COA1: variants seen among roughly 807,000 people sequenced by gnomAD.
The protein encoded by COA1 is cytochrome c oxidase assembly factor 1 homolog.
In COA1, 13 loss-of-function variants were observed where a neutral mutation model predicts 16.0. That is an observed-to-expected ratio of 0.81 (90% confidence interval 0.53 to 1.29). The LOEUF is 1.29. Ranked by LOEUF, COA1 falls within the 50% of genes most tolerant of loss-of-function variation. The probability of loss-of-function intolerance (pLI) is 0.00; values close to 1 mark genes in which losing one functional copy is unlikely to be tolerated. For synonymous variants in COA1, 65 were observed against 65.7 expected (o/e 0.99, Z 0.05); for missense variants, 179 against 177.0 (o/e 1.01, Z -0.06).
chr7:43,631,150 TTA>T (rs1481771714), intron 6 of COA1: 3 of 152,178 alleles, frequency 2.0e-5, no homozygotes, highest in African/African-American at 7.2e-5. Flanking sequence ...ACAAATTCTT[TTA>T]GTTTTCTATC....
intron 4 of COA1, among the ~76,000 whole-genome samples, chr7:43,644,256 A>C (rs2088064906): frequency 6.6e-6 from 1 of 152,166 alleles, no homozygotes; most frequent in Admixed American, 6.5e-5. Context: ...AGGAATTTTC[A>C]ACTGTAAACC....
chr7:43,721,660 T>C (rs966192324), intron 1 of COA1, among the ~76,000 whole-genome samples: 17 of 152,274 alleles, frequency 1.1e-4, no homozygotes, highest in East Asian at 5.8e-4. Flanking sequence ...CATGAAGAGA[T>C]AGCACTAGGG....
chr7:43,669,467 C>T (rs2153193183), intron 1 of COA1, among the ~76,000 whole-genome samples: 1 of 152,228 alleles, frequency 6.6e-6, no homozygotes, highest in Admixed American at 6.5e-5. Context: ...CCACATATCC[C>T]CATATGTGTA....
intron 6 of COA1, among the ~76,000 whole-genome samples, chr7:43,611,853 C>T (rs1404789716): frequency 1.3e-5 from 2 of 152,152 alleles, no homozygotes; most frequent in Non-Finnish European, 2.9e-5. Context: ...AATAGCATTG[C>T]ACCTATAGGA....
chr7:43,644,987 G>A lies in COA1; in HGVS notation c.264+264C>T, dbSNP rs911394514. Among the ~76,000 whole-genome samples the A allele has an allele frequency of 9.2e-5, 14 of 152,002 alleles. 1 individual carries two copies. In the East Asian group the frequency reaches 1.9e-3, roughly 21 times the overall value. The stretch of plus-strand genomic sequence containing the variant: ...TCTACTACCTTCAATTCAAGATGGC[G>A]ACATCAGCATACCCACTGCATTCCC... On this transcript the variant is annotated intron_variant, in intron 4 of 5. Coordinates refer to ENST00000223336, the MANE Select transcript of COA1 (RefSeq NM_018224.4).
chr7:43,659,228 G>A (rs570482489), intron 1 of COA1: 10 of 152,336 alleles, frequency 6.6e-5, no homozygotes, highest in Admixed American at 6.5e-4. Flanking sequence ...TGGGGAAAGG[G>A]TGAAGGACAA....
At chr7:43,659,336 G>A (rs2092186278) in intron 1 of COA1, among the ~76,000 whole-genome samples, 1 of 152,188 alleles carries the variant, frequency 6.6e-6, no homozygotes, top group African/African-American at 2.4e-5. Flanking sequence ...TTGGAACTTA[G>A]TAATGATAAA....
chr7:43,625,039 C>A lies in COA1; in HGVS notation c.*133+14410G>T, dbSNP rs751047298. ...TGCCAACCAGGAGATTTAACAGGTA[C>A]AGTTACCCGTTTCAATGTTATTTTT... is the stretch of plus-strand genomic sequence containing the variant. On this transcript the variant is annotated intron_variant and NMD_transcript_variant, in intron 6 of 6. Transcript: ENST00000415076. 2.8e-5 allele frequency: 12 copies of A among 429,428 alleles called. No homozygotes were observed. In the Admixed American group the frequency reaches 2.9e-4, roughly 10 times the overall value. The allele number at this position is 429,428 out of a possible 1,614,324, so 26.6% of individuals were successfully genotyped here.
intron 1 of COA1, among the ~76,000 whole-genome samples, chr7:43,693,375 C>T (rs1229015477): frequency 6.6e-6 from 1 of 152,156 alleles, no homozygotes; most frequent in Non-Finnish European, 1.5e-5. Flanking sequence ...TTGTCAAATG[C>T]ATACTGATTT....
chr7:43,644,789 G>GAGAGAGAGAGAGAGAGAGA (rs1442537142), intron 4 of COA1, among the ~76,000 whole-genome samples: 7 of 104,482 alleles, frequency 6.7e-5, no homozygotes, highest in East Asian at 2.5e-4. Flanking sequence ...CAGGCAGGCA[G>GAGAGAGAGAGAGAGAGAGA]GCAGAGAGAC....
At chr7:43,676,838 G>GA (rs2093547894) in intron 1 of COA1, among the ~76,000 whole-genome samples, 1 of 151,762 alleles carries the variant, frequency 6.6e-6, no homozygotes, top group Admixed American at 6.6e-5. Context: ...AAAGTTGGCT[G>GA]AAAAAAATAA....
At chr7:43,660,856 AT>A (rs2092349901) in intron 1 of COA1, among the ~76,000 whole-genome samples, 1 of 152,158 alleles carries the variant, frequency 6.6e-6, no homozygotes, top group Non-Finnish European at 1.5e-5. Context: ...CAGAAAACTG[AT>A]TGTATCCCAT....
chr7:43,698,502 T>C (rs1206250365), intron 1 of COA1, among the ~76,000 whole-genome samples: 1 of 152,204 alleles, frequency 6.6e-6, no homozygotes, highest in Non-Finnish European at 1.5e-5. Context: ...TATTGAAAAC[T>C]TGTCATCCAC....
chr7:43,685,656 A>G (rs1407848026), intron 1 of COA1, among the ~76,000 whole-genome samples: 1 of 152,228 alleles, frequency 6.6e-6, no homozygotes, highest in Non-Finnish European at 1.5e-5. Flanking sequence ...GAATCAGGCT[A>G]TGAAGACCCT....
chr7:43,636,331 C>T (rs887168507), downstream of COA1, among the ~76,000 whole-genome samples: 1 of 145,948 alleles, frequency 6.9e-6, no homozygotes, highest in South Asian at 2.2e-4. Flanking sequence ...CCTCCCACCT[C>T]TTTCTGGACC....
At chr7:43,722,291 C>T (rs375063139) in intron 1 of COA1, among the ~76,000 whole-genome samples, 1 of 152,090 alleles carries the variant, frequency 6.6e-6, no homozygotes, top group Non-Finnish European at 1.5e-5. Context: ...GATGGGGTTT[C>T]GCCACTTTGC....
At chr7:43,655,839 T>C (rs887725732) in intron 1 of COA1, among the ~76,000 whole-genome samples, 1 of 152,174 alleles carries the variant, frequency 6.6e-6, no homozygotes, top group African/African-American at 2.4e-5. Flanking sequence ...TTAAGGAGGC[T>C]TGGCAGTTTG....
chr7:43,674,719 T>C (rs1347224708), intron 1 of COA1, among the ~76,000 whole-genome samples: 3 of 152,204 alleles, frequency 2.0e-5, no homozygotes, highest in Admixed American at 6.5e-5. Context: ...CCTTGATGAA[T>C]TGAGTTTATT....
At chr7:43,723,813 A>C (rs1585567287) in intron 1 of COA1, among the ~76,000 whole-genome samples, 1 of 151,958 alleles carries the variant, frequency 6.6e-6, no homozygotes, top group Admixed American at 6.6e-5. Context: ...TGTAGTCCCA[A>C]CTACTTGAGG....
Sources: allele counts gnomAD v4.1 joint callset (sites outside exome capture counted in the v4.1 genomes callset), GRCh38; gene constraint gnomAD v4.1.1; transcripts MANE v1.5; gene names NCBI Gene and HGNC (gene_info 2026-07-23, HGNC 2026-07-21).